PRKG1: variants seen among roughly 807,000 people sequenced by gnomAD.
The protein encoded by PRKG1 is protein kinase cGMP-dependent 1.
In PRKG1, 35 loss-of-function variants were observed where a neutral mutation model predicts 88.1. The ratio of observed to expected loss-of-function variants is 0.40; its 90% CI spans 0.30 to 0.53. The LOEUF (loss-of-function observed/expected upper bound fraction) is 0.53, where lower values mean the gene tolerates loss of function less well. Among genes scored for constraint, PRKG1 ranks in the 20% least tolerant of loss-of-function variants. The probability of loss-of-function intolerance (pLI) is 0.59; values close to 1 mark genes in which losing one functional copy is unlikely to be tolerated. For synonymous variants in PRKG1, 303 were observed against 292.5 expected (o/e 1.04, Z -0.37); for missense variants, 540 against 839.8 (o/e 0.64, Z 4.41).
intron 3 of PRKG1, among the ~76,000 whole-genome samples, chr10:51,502,666 A>C (rs1303949280): frequency 6.6e-6 from 1 of 152,164 alleles, no homozygotes; most frequent in Admixed American, 6.6e-5. Context: ...TAATGATGCT[A>C]TCCAAATCCC....
intron 3 of PRKG1, among the ~76,000 whole-genome samples, chr10:51,572,830 C>A (rs2132170982): frequency 6.6e-6 from 1 of 151,922 alleles, no homozygotes; most frequent in South Asian, 2.1e-4. Context: ...TTGTACCATG[C>A]TGCTGCTTCT....
intron 7 of PRKG1, among the ~76,000 whole-genome samples, chr10:52,085,148 T>C (rs1171592250): frequency 6.6e-6 from 1 of 152,070 alleles, no homozygotes. Flanking sequence ...GCTCAGAGTT[T>C]CCACTGTGTA....
chr10:51,437,338 A>C (rs942307437), intron 2 of PRKG1, among the ~76,000 whole-genome samples: 3 of 152,006 alleles, frequency 2.0e-5, no homozygotes, highest in African/African-American at 7.2e-5. Flanking sequence ...GTCATTAACC[A>C]GGCTCAAATG....
At chr10:52,059,142 C>A (rs538278167) in intron 6 of PRKG1, among the ~76,000 whole-genome samples, 19 of 152,062 alleles carry the variant, frequency 1.2e-4, no homozygotes, top group Admixed American at 2.0e-4. Context: ...GAATGGCTAA[C>A]TCTAAAAACA....
At position 51,063,383 on chromosome 10, in the gene PRKG1, C is replaced by T. The variant is rs74354897; in HGVS notation, c.266+71739C>T. Among the ~76,000 whole-genome samples the T allele has an allele frequency of 3.6e-3, 546 of 152,184 alleles. 2 individuals are homozygous for T. The highest frequency in any genetic ancestry group is 0.012 in the African/African-American group (517 of 41,514). On this transcript the variant is annotated intron_variant, in intron 1 of 17. Transcript: ENST00000401604. ...TACACACCCAGACTATATGATATAG[C>T]GTATTGCTCCCAAGCTACAAAGCTA...
rs537000956 is a variant in PRKG1, at chr10:51,723,702, G to A, written c.593-80883G>A. Among the ~76,000 whole-genome samples the A allele has an allele frequency of 2.6e-5, 4 of 152,116 alleles. No homozygotes were observed. The East Asian group carries it at 7.7e-4, about 29-fold the overall frequency. On this transcript the variant is annotated intron_variant, in intron 3 of 17. Transcript: ENST00000373980. ...CCAACATTCTGAATGCTGCAACCTT[G>A]AAAGATCAAAATATTTAACATAAAA...
chr10:51,615,641 C>T (rs561559145), intron 3 of PRKG1, among the ~76,000 whole-genome samples: 1 of 138,940 alleles, frequency 7.2e-6, no homozygotes, highest in African/African-American at 2.6e-5. Flanking sequence ...ATCTTCACTT[C>T]TAGAAACTCT....
At chr10:52,251,441 C>T (rs1248916576) in intron 9 of PRKG1, 129 bp from the exon 10 acceptor site, 2 of 703,602 alleles carry the variant, frequency 2.8e-6, no homozygotes, top group African/African-American at 3.6e-5. Context: ...AAAACACAAA[C>T]TCTAAAAGCA....
At chr10:52,112,617 TCTG>T (rs1263610145) in intron 7 of PRKG1, among the ~76,000 whole-genome samples, 1 of 152,224 alleles carries the variant, frequency 6.6e-6, no homozygotes, top group African/African-American at 2.4e-5. Context: ...ACCTGTTTTC[TCTG>T]CTTTTTCTAT....
intron 17 of PRKG1, among the ~76,000 whole-genome samples, chr10:52,291,732 TA>T (rs1842251941): frequency 1.6e-5 from 2 of 121,334 alleles, no homozygotes; most frequent in African/African-American, 8.4e-5. Context: ...TGTGTCTTTA[TA>T]GCAGCATGAT....
chr10:52,080,747 A>G (rs1178844317), intron 7 of PRKG1, among the ~76,000 whole-genome samples: 1 of 152,104 alleles, frequency 6.6e-6, no homozygotes, highest in African/African-American at 2.4e-5. Flanking sequence ...ATTCTGTTAA[A>G]GTTTTTAAAA....
At chr10:51,234,415 C>T (rs1387627545) in intron 2 of PRKG1, among the ~76,000 whole-genome samples, 1 of 152,186 alleles carries the variant, frequency 6.6e-6, no homozygotes, top group Non-Finnish European at 1.5e-5. Flanking sequence ...ACAAAGATAT[C>T]TACCTCCCTA....
At chr10:52,072,841 T>C (rs1246166261) in intron 7 of PRKG1, among the ~76,000 whole-genome samples, 2 of 152,228 alleles carry the variant, frequency 1.3e-5, no homozygotes, top group Non-Finnish European at 2.9e-5. Context: ...GGTCTCCCTG[T>C]GTCCAGTCTT....
At chr10:51,958,786 C>G (rs73339234) in intron 5 of PRKG1, among the ~76,000 whole-genome samples, 3,452 of 152,236 alleles carry the variant, frequency 0.023, 138 homozygotes, top group African/African-American at 0.079. Context: ...ATGGCCAGAA[C>G]TATTTTGTTT....
chr10:51,809,864 A>G (rs1839407592), intron 4 of PRKG1, among the ~76,000 whole-genome samples: 1 of 152,046 alleles, frequency 6.6e-6, no homozygotes, highest in Non-Finnish European at 1.5e-5. Flanking sequence ...GCCTGCCCCG[A>G]CACTCTTCCA....
intron 1 of PRKG1, among the ~76,000 whole-genome samples, chr10:51,127,865 A>T (rs1476853727): frequency 1.3e-5 from 2 of 152,120 alleles, no homozygotes; most frequent in African/African-American, 4.8e-5. Context: ...GGAACAGAAA[A>T]CCAAACACCA....
intron 3 of PRKG1, among the ~76,000 whole-genome samples, chr10:51,566,925 CAT>C (rs1491340481): frequency 1.4e-5 from 2 of 145,750 alleles, no homozygotes; most frequent in African/African-American, 5.4e-5. Flanking sequence ...CATACACACA[CAT>C]AAAAAAAAAA....
At chr10:51,947,554 G>A (rs773721638) in intron 5 of PRKG1, among the ~76,000 whole-genome samples, 12 of 152,162 alleles carry the variant, frequency 7.9e-5, no homozygotes, top group Non-Finnish European at 1.2e-4. Context: ...CGTCTTCTGC[G>A]TTGCTCAGCC....
chr10:51,090,810 A>G (rs979337097), intron 1 of PRKG1, among the ~76,000 whole-genome samples: 5 of 152,188 alleles, frequency 3.3e-5, no homozygotes, highest in Admixed American at 6.6e-5. Flanking sequence ...TTTGATTTAA[A>G]TCCATCAAAA....
Sources: gnomAD v4.1 joint callset for allele counts (sites outside exome capture counted in the v4.1 genomes callset) on GRCh38, gnomAD v4.1.1 for gene constraint, MANE v1.5 for transcripts, NCBI Gene and HGNC (gene_info 2026-07-23, HGNC 2026-07-21) for gene names.